Variants in TRIM7 observed in about 807,000 individuals in gnomAD.
TRIM7 encodes tripartite motif containing 7, also known as E3 ubiquitin-protein ligase TRIM7.
In TRIM7, 32 loss-of-function variants were observed where a neutral mutation model predicts 37.9. That is an observed-to-expected ratio of 0.84 (90% CI 0.64 to 1.13). TRIM7 has a LOEUF of 1.13. TRIM7 is among the 50% of genes most tolerant of loss of function. The pLI, the probability that TRIM7 is intolerant of heterozygous loss-of-function variation, is 0.00. For missense variants in TRIM7, 732 were observed against 714.0 expected, an observed-to-expected ratio of 1.03 and a Z score of -0.29; for synonymous variants, 351 against 321.3, an observed-to-expected ratio of 1.09 and a Z score of -0.99.
chr5:181,205,150 G>A lies in TRIM7; in HGVS notation c.-40C>T, dbSNP rs1228887686. The A allele has an allele frequency of 1.6e-6, 2 of 1,282,322 alleles. No homozygotes were observed. The highest frequency in any genetic ancestry group is 2.4e-5 in the South Asian group (1 of 41,298). 79.4% of individuals were successfully genotyped at this position (1,282,322 alleles called of 1,614,324 possible). ...CACCCAGATCTGGTCGCGCCTGGGCGGCCACTGGACCTCACAGGACGCGGA... is the reference window on the plus strand; with the variant it reads ...CACCCAGATCTGGTCGCGCCTGGGCAGCCACTGGACCTCACAGGACGCGGA... On this transcript the variant is annotated 5_prime_UTR_variant, in exon 1 of 7. Transcript: ENST00000274773.
rs1291367692 is a variant in TRIM7, at chr5:181,195,281, A to G, written c.1421T>C (p.Phe474Ser). ...ALDLEVGAVS[F>S]YAVEDMRHLY... ...GTGGCGCATGTCCTCCACAGCGTAG[A>G]AGGACACGGCTCCCACCTCCAGGTC... Residue 474 changes from phenylalanine (F) to serine (S), a missense_variant, in exon 7 of 7, where the codon TTC becomes TCC. By Grantham distance (155) the Phe-to-Ser change is radical. Coordinates refer to ENST00000274773, the MANE Select transcript of TRIM7 (RefSeq NM_203293.3). 2.5e-6 allele frequency: 4 copies of G among 1,607,806 alleles called. No individual in the cohort carries two copies. The East Asian group carries it at 9.0e-5, about 36-fold the overall frequency.
At chr5:181,199,069 G>A in intron 4 of TRIM7, 26 bp downstream of exon 4, 2 of 1,614,064 alleles carry the variant, frequency 1.2e-6, no homozygotes, top group Non-Finnish European at 1.7e-6. Context: ...ACTTAGAGAG[G>A]CCCCAGGAGC....
chr5:181,195,417 CG>C lies in TRIM7; in HGVS notation c.1284del (p.Glu429ArgfsTer17). ...AGCTGCAGGGCCCAGACGCCCTCCT[CG>C]GGAGTGAAGGGCGTCAGGCCCTTTC... The part of the protein sequence containing the change: ...VRRKGLTPFT[P>X]EEGVWALQLN... On this transcript the variant is annotated frameshift_variant, in exon 7 of 7. Transcript: ENST00000274773. LOFTEE classifies it low-confidence loss of function (END_TRUNC). The C allele has an allele frequency of 6.3e-7, 1 of 1,599,222 alleles. No individual in the cohort carries two copies. The highest frequency in any genetic ancestry group is 8.5e-7 in the Non-Finnish European group (1 of 1,173,130).
rs1310527403 is a variant in TRIM7 at position 181,195,685 on chromosome 5, C to CA, written c.1025-9dup. On this transcript the variant is annotated splice_polypyrimidine_tract_variant and intron_variant, in intron 6 of 6. Transcript: ENST00000274773. ...GATCCAAGGTGAGCTCCACTGCAGA[C>CA]AGAGACAGGGAGAAATGTCCCCACG... is the stretch of plus-strand genomic sequence containing the variant. 1 of 1,513,484 alleles carries CA rather than the reference C, an allele frequency of 6.6e-7. No individual in the cohort carries two copies. Among genetic ancestry groups the CA allele is most frequent in the Non-Finnish European group, 8.9e-7 (1 of 1,129,022 alleles). The allele number at this position is 1,513,484 out of a possible 1,614,324, so 93.8% of individuals were successfully genotyped here.
Position 181,204,875 on chromosome 5 carries a change from G to T in TRIM7, c.236C>A (p.Pro79Gln). 7.4e-7 allele frequency: 1 copy of T among 1,356,364 alleles called. No homozygotes were observed. Among genetic ancestry groups the T allele is most frequent in the Non-Finnish European group, 9.4e-7 (1 of 1,064,370 alleles). The allele number at this position is 1,356,364 out of a possible 1,614,324, so 84.0% of individuals were successfully genotyped here. The stretch of plus-strand genomic sequence containing the variant: ...GGGGCGCGCGGGCTCGCGGCACTGC[G>T]GACAGGGCAGTGGGAAGGGGGGCGC... Reference protein sequence around the residue: ...TRAPPFPLPCPQCREPARPSQ... With the variant: ...TRAPPFPLPCQQCREPARPSQ... Residue 79 changes from proline (P) to glutamine (Q), a missense_variant, in exon 1 of 7, where the codon CCG becomes CAG. Physicochemically the swap from Pro to Gln is moderately conservative, Grantham distance 76. Coordinates refer to ENST00000274773, the MANE Select transcript of TRIM7 (RefSeq NM_203293.3).
intron 2 of TRIM7, among the ~76,000 whole-genome samples, chr5:181,202,021 C>G (rs1757517635): frequency 6.6e-6 from 1 of 152,102 alleles, no homozygotes; most frequent in South Asian, 2.1e-4. Flanking sequence ...ACACTGGGTG[C>G]AGGCATAACA....
chr5:181,195,021 C>G lies in TRIM7; in HGVS notation c.*145G>C. ...CGGTTGGCCACAGTCACTCTCCTGC[C>G]TCGGGGTTGTGTCTGTAGCAGGCTC... On this transcript the variant is annotated 3_prime_UTR_variant, in exon 7 of 7. Coordinates refer to ENST00000274773, the MANE Select transcript of TRIM7 (RefSeq NM_203293.3). 9.7e-7 allele frequency: 1 copy of G among 1,034,494 alleles called. No homozygotes were observed. The highest frequency in any genetic ancestry group is 1.6e-5 in the African/African-American group (1 of 61,232). 64.1% of individuals were successfully genotyped at this position (1,034,494 alleles called of 1,614,324 possible). A position where few individuals can be genotyped will look rare whatever the true frequency, so the allele number is the denominator to read the frequency against.
In TRIM7 at chr5:181,200,042, A is replaced by G. The variant is rs764088743; in HGVS notation, c.658T>C (p.Phe220Leu). Residue 220 changes from phenylalanine to leucine, a missense_variant, in exon 3 of 7, where the codon TTC becomes CTC. Coordinates refer to ENST00000274773, the MANE Select transcript of TRIM7 (RefSeq NM_203293.3). ...ACCAGGAAAGCCCTCAGTGCCTGGA[A>G]CTCTGCCCCCACCTTCTCCTGCTCC... is the stretch of plus-strand genomic sequence containing the variant. Reference protein sequence around the residue: ...AAEQEKVGAEFQALRAFLVEQ... With the variant: ...AAEQEKVGAELQALRAFLVEQ... 9.3e-6 allele frequency: 15 copies of G among 1,614,164 alleles called. No homozygotes were observed. The highest frequency in any genetic ancestry group is 1.3e-5 in the Non-Finnish European group (15 of 1,180,028).
At position 181,204,597 on chromosome 5, in the gene TRIM7, C is replaced by T. The variant is rs1254209058; in HGVS notation, c.514G>A (p.Glu172Lys). 4 of 1,438,588 alleles carry T rather than the reference C, an allele frequency of 2.8e-6. No individual in the cohort carries two copies. The highest frequency in any genetic ancestry group is 2.9e-5 in the South Asian group (2 of 68,140). 89.1% of individuals were successfully genotyped at this position (1,438,588 alleles called of 1,614,324 possible). A position where few individuals can be genotyped will look rare whatever the true frequency, so the allele number is the denominator to read the frequency against. The change falls in exon 1 of 7, where the codon GAG (glutamate) becomes AAG (lysine). Residue 172 changes from glutamate (E) to lysine (K), a missense_variant. Physicochemically the swap from Glu to Lys is moderately conservative, Grantham distance 56 (BLOSUM62 1). Coordinates refer to ENST00000274773, the MANE Select transcript of TRIM7 (RefSeq NM_203293.3). Reference sequence around the variant, plus strand: ...GTGGGGGCTGCGCTCACCTTGGCCTCCTGCACCGCCTCGTCCAGCGGCAGC... The same window carrying T: ...GTGGGGGCTGCGCTCACCTTGGCCTTCTGCACCGCCTCGTCCAGCGGCAGC... ...AVLPLDEAVQ[E>K]AKELLESRLR...
chr5:181,204,731 G>T lies in TRIM7; in HGVS notation c.380C>A (p.Ala127Asp). The T allele has an allele frequency of 6.8e-7, 1 of 1,468,612 alleles. No individual in the cohort carries two copies. Among genetic ancestry groups the T allele is most frequent in the Non-Finnish European group, 8.9e-7 (1 of 1,119,986 alleles). The allele number at this position is 1,468,612 out of a possible 1,614,324, so 91.0% of individuals were successfully genotyped here. Residue 127 changes from alanine to aspartate, a missense_variant, in exon 1 of 7, where the codon GCT (alanine) becomes GAT (aspartate). Physicochemically the swap from Ala to Asp is moderately radical, Grantham distance 126. Coordinates refer to ENST00000274773, the MANE Select transcript of TRIM7 (RefSeq NM_203293.3). ...GSQAAAARAA[A>D]ARCGQHGEPF... ...TTCGCCATGCTGCCCGCAGCGGGCA[G>T]CCGCTGCCCGGGCCGCGGCCGCCTG...
chr5:181,197,631 G>C (rs75485905), intron 6 of TRIM7: 3 of 156,244 alleles, frequency 1.9e-5, no homozygotes, highest in Non-Finnish European at 4.2e-5. Flanking sequence ...AGGGGCTGTG[G>C]CAGGGCTCTG....
At chr5:181,198,249 T>A in intron 5 of TRIM7, 31 bp from the exon 6 acceptor site, 1 of 1,613,072 alleles carries the variant, frequency 6.2e-7, no homozygotes, top group East Asian at 2.2e-5. Flanking sequence ...AAGGCGTGCA[T>A]GAGCGACACG....
chr5:181,197,917 G>A (rs76904764), intron 6 of TRIM7: 22,876 of 526,138 alleles, frequency 0.043, 646 homozygotes, highest in South Asian at 0.088. Context: ...CCAGGTGGCC[G>A]AGAAGCCTTT....
chr5:181,196,485 C>T (rs1291107301), intron 6 of TRIM7: 1 of 152,252 alleles, frequency 6.6e-6, no homozygotes, highest in Non-Finnish European at 1.5e-5. Context: ...GCCAATGGGT[C>T]ACATGAGGTC....
intron 1 of TRIM7, chr5:181,203,891 C>G: frequency 7.9e-7 from 1 of 1,263,756 alleles, no homozygotes; most frequent in Non-Finnish European, 1.0e-6. Flanking sequence ...TACCCCTAGT[C>G]GTCTCCTCTA....
At chr5:181,198,523 G>C (rs569648086) in intron 5 of TRIM7, among the ~76,000 whole-genome samples, 167 bp downstream of exon 5, 76 of 152,240 alleles carry the variant, frequency 5.0e-4, no homozygotes, top group Non-Finnish European at 6.0e-4. Flanking sequence ...CCCTGCGGGG[G>C]CCTGACTAGA....
At chr5:181,195,962 T>A in intron 6 of TRIM7, 1 of 407,172 alleles carries the variant, frequency 2.5e-6, no homozygotes, top group Admixed American at 4.2e-5. Flanking sequence ...TGCTAGACAT[T>A]GGAAAGAATC....
Position 181,195,260 on chromosome 5 carries a change from C to T in TRIM7, c.1442G>A (p.Arg481His), listed in dbSNP as rs762533864. 6.2e-6 allele frequency: 10 copies of T among 1,611,432 alleles called. No individual in the cohort carries two copies. The highest frequency in any genetic ancestry group is 8.5e-6 in the Non-Finnish European group (10 of 1,178,922). ...AVSFYAVEDMRHLYTFRVNFQ... is the reference protein window; with the variant it reads ...AVSFYAVEDMHHLYTFRVNFQ... ...GTTGACGCGGAAGGTGTAGAGGTGG[C>T]GCATGTCCTCCACAGCGTAGAAGGA... The change falls in exon 7 of 7, where the codon CGC (arginine) becomes CAC (histidine). Residue 481 changes from arginine to histidine, a missense_variant. By Grantham distance (29) the Arg-to-His change is conservative. Transcript: ENST00000274773.
At chr5:181,198,094 A>C in intron 6 of TRIM7, 89 bp downstream of exon 6, 1 of 1,483,316 alleles carries the variant, frequency 6.7e-7, no homozygotes, top group Non-Finnish European at 9.4e-7. Context: ...GGAACCGACC[A>C]TATGCAAAAC....
Sources: gnomAD v4.1 joint callset for allele counts (sites outside exome capture counted in the v4.1 genomes callset) on GRCh38, gnomAD v4.1.1 for gene constraint, MANE v1.5 for transcripts, NCBI Gene and HGNC (gene_info 2026-07-23, HGNC 2026-07-21) for gene names.